CSTPP1: variants seen among roughly 807,000 people sequenced by gnomAD.
The protein encoded by CSTPP1 is UPF0705 protein C11orf49.
the CSTPP1 span, among the ~76,000 whole-genome samples, chr11:47,000,405 G>A: frequency 6.6e-6 from 1 of 152,158 alleles, no homozygotes; most frequent in South Asian, 2.1e-4. Flanking sequence ...ATGGCATCAG[G>A]GAGCTTGACT....
chr11:47,009,254 T>C, the CSTPP1 span, among the ~76,000 whole-genome samples: 13 of 152,320 alleles, frequency 8.5e-5, 2 homozygotes, highest in African/African-American at 2.9e-4. Flanking sequence ...TCCATTTTTT[T>C]CTCAGCCAGA....
the CSTPP1 span, among the ~76,000 whole-genome samples, chr11:47,104,783 G>C: frequency 1.3e-5 from 2 of 152,210 alleles, no homozygotes; most frequent in African/African-American, 4.8e-5. Flanking sequence ...GGAAGGGTTA[G>C]ATCCAGCGTG....
At chr11:46,996,790 A>G in the CSTPP1 span, among the ~76,000 whole-genome samples, 1 of 151,882 alleles carries the variant, frequency 6.6e-6, no homozygotes, top group Non-Finnish European at 1.5e-5. Context: ...TCTGTAAAGG[A>G]TTTTATTTCT....
chr11:47,039,035 A>G, the CSTPP1 span, among the ~76,000 whole-genome samples: 31 of 121,262 alleles, frequency 2.6e-4, no homozygotes, highest in Middle Eastern at 4.6e-3. Context: ...GCGGCCGGGC[A>G]GAGACGCTCC....
At chr11:46,995,134 A>AT in the CSTPP1 span, among the ~76,000 whole-genome samples, 46 of 152,100 alleles carry the variant, frequency 3.0e-4, no homozygotes, top group African/African-American at 1.1e-3. Flanking sequence ...CCCCTTTATC[A>AT]TTTTTTATTG....
At chr11:47,026,670 G>A in the CSTPP1 span, among the ~76,000 whole-genome samples, 4 of 152,146 alleles carry the variant, frequency 2.6e-5, no homozygotes, top group African/African-American at 9.7e-5. Flanking sequence ...TTGAGGCCAG[G>A]AGTTCAAGAC....
the CSTPP1 span, among the ~76,000 whole-genome samples, chr11:47,154,043 GCTTCTCCTGCTTCAGC>G: frequency 1.3e-5 from 2 of 151,932 alleles, no homozygotes; most frequent in African/African-American, 4.8e-5. Context: ...AGGTTCAAGC[GCTTCTCCTGCTTCAGC>G]CTCCTGAGTA....
the CSTPP1 span, among the ~76,000 whole-genome samples, chr11:46,950,768 C>T: frequency 1.3e-5 from 2 of 151,916 alleles, no homozygotes; most frequent in Admixed American, 6.6e-5. Context: ...CCTGCTATCA[C>T]GCCTGGCTAA....
At chr11:47,124,114 C>CTTTTTTTTTTTTTTTT in the CSTPP1 span, among the ~76,000 whole-genome samples, 2 of 63,216 alleles carry the variant, frequency 3.2e-5, 1 homozygote. Flanking sequence ...AATGGTCTTA[C>CTTTTTTTTTTTTTTTT]TTTTTTTTTT....
At chr11:47,157,691 C>G in the CSTPP1 span, 1 of 827,456 alleles carries the variant, frequency 1.2e-6, no homozygotes, top group South Asian at 1.6e-5. Context: ...TCCCCCAGGG[C>G]CTTGGGGCTC....
chr11:47,151,146 G>A, the CSTPP1 span, among the ~76,000 whole-genome samples: 1 of 152,136 alleles, frequency 6.6e-6, no homozygotes, highest in Non-Finnish European at 1.5e-5. Context: ...TTAGAAGAAG[G>A]CTCACGCCTG....
chr11:47,026,193 G>A, the CSTPP1 span, among the ~76,000 whole-genome samples: 1 of 152,332 alleles, frequency 6.6e-6, no homozygotes, highest in East Asian at 1.9e-4. Flanking sequence ...GTAATATGTA[G>A]CAGAAGGTGA....
the CSTPP1 span, among the ~76,000 whole-genome samples, chr11:47,039,203 C>G: frequency 7.8e-6 from 1 of 127,648 alleles, no homozygotes; most frequent in Non-Finnish European, 1.9e-5. Flanking sequence ...TGCACTCCAG[C>G]CTGGGCACCA....
the CSTPP1 span, among the ~76,000 whole-genome samples, chr11:47,068,387 T>C: frequency 2.3e-4 from 35 of 151,832 alleles, no homozygotes; most frequent in East Asian, 6.8e-3. Flanking sequence ...CAAAAATTAG[T>C]GAAGCACGGT....
the CSTPP1 span, chr11:46,987,484 C>G: frequency 2.0e-6 from 1 of 492,914 alleles, no homozygotes; most frequent in Admixed American, 3.4e-5. Context: ...GCCTTTGGTG[C>G]AGCTAGTTTG....
chr11:47,073,645 G>A, the CSTPP1 span, among the ~76,000 whole-genome samples: 25 of 152,160 alleles, frequency 1.6e-4, no homozygotes, highest in African/African-American at 4.6e-4. Context: ...CAGCATGAGC[G>A]CTAAAGTGAT....
At chr11:47,002,340 C>CT in the CSTPP1 span, among the ~76,000 whole-genome samples, 1 of 152,306 alleles carries the variant, frequency 6.6e-6, no homozygotes, top group South Asian at 2.1e-4. Context: ...AGCAAAAAGA[C>CT]TACAGGGAGC....
At chr11:47,010,165 A>G in the CSTPP1 span, among the ~76,000 whole-genome samples, 1 of 152,280 alleles carries the variant, frequency 6.6e-6, no homozygotes, top group East Asian at 1.9e-4. Flanking sequence ...GAGAAGAGAG[A>G]ATGGAACTCC....
the CSTPP1 span, among the ~76,000 whole-genome samples, chr11:47,056,221 G>A: frequency 6.6e-6 from 1 of 152,120 alleles, no homozygotes; most frequent in Non-Finnish European, 1.5e-5. Flanking sequence ...ATATTTGGTT[G>A]AAAAAAATCC....
Sources: gnomAD v4.1 joint callset for allele counts (sites outside exome capture counted in the v4.1 genomes callset) on GRCh38, gnomAD v4.1.1 for gene constraint, MANE v1.5 for transcripts, NCBI Gene and HGNC (gene_info 2026-07-23, HGNC 2026-07-21) for gene names.